Variants in PIEZO2 observed in about 807,000 individuals in gnomAD.
PIEZO2 encodes piezo-type mechanosensitive ion channel component 2.
PIEZO2 carries 172 observed loss-of-function variants against 337.3 expected under a neutral mutation model. That is an observed-to-expected ratio of 0.51 (90% CI 0.45 to 0.58). PIEZO2 has a LOEUF of 0.58. Ranked by LOEUF, PIEZO2 falls within the 20% of genes least tolerant of loss-of-function variation. The pLI, the probability that PIEZO2 is intolerant of heterozygous loss-of-function variation, is 0.00. For missense variants in PIEZO2, 3,028 were observed against 3,391.3 expected, an observed-to-expected ratio of 0.89 and a Z score of 2.66; for synonymous variants, 1,251 against 1,228.5, an observed-to-expected ratio of 1.02 and a Z score of -0.38.
intron 4 of PIEZO2, among the ~76,000 whole-genome samples, chr18:10,886,487 C>CATATATAT: frequency 2.0e-4 from 9 of 45,882 alleles, no homozygotes; most frequent in African/African-American, 4.3e-4. Context: ...ATATCCAAAC[C>CATATATAT]ATATATATAT....
chr18:10,955,527 A>G (rs1476158356), intron 3 of PIEZO2, among the ~76,000 whole-genome samples: 1 of 152,204 alleles, frequency 6.6e-6, no homozygotes, highest in Non-Finnish European at 1.5e-5. Context: ...AAACAACTTT[A>G]GAGAGTGCAC....
Position 10,727,630 on chromosome 18 carries a change from G to GCACACA in PIEZO2, c.5029+3771_5029+3776dup, listed in dbSNP as rs139881213. On this transcript the variant is annotated intron_variant, in intron 36 of 55. Transcript: ENST00000674853. The surrounding 1 kb of genome is among the most constrained non-coding windows in gnomAD (Gnocchi z 6.3). ...TTTCCTAGCCCCACTCCCATTACAC[G>GCACACA]CACACACACACACACACATACAGAG... The GCACACA allele has an allele frequency of 1.3e-5, 2 of 150,580 alleles. No homozygotes were observed. Among genetic ancestry groups the GCACACA allele is most frequent in the African/African-American group, 4.9e-5 (2 of 40,948 alleles). 9.3% of individuals were successfully genotyped at this position (150,580 alleles called of 1,614,324 possible).
At chr18:10,957,524 G>A (rs771544773) in intron 3 of PIEZO2, among the ~76,000 whole-genome samples, 5 of 151,922 alleles carry the variant, frequency 3.3e-5, no homozygotes, top group Admixed American at 2.6e-4. Flanking sequence ...TCGCTGAAAT[G>A]AGCACAAGAC....
intron 2 of PIEZO2, among the ~76,000 whole-genome samples, chr18:11,044,504 A>T (rs2037233669): frequency 6.6e-6 from 1 of 152,188 alleles, no homozygotes; most frequent in African/African-American, 2.4e-5. Flanking sequence ...TTCACTAAAG[A>T]GGAAGCTGTA....
At position 10,846,585 on chromosome 18, in the gene PIEZO2, C is replaced by A. The variant is rs150301824; in HGVS notation, c.917+8768G>T. Among the ~76,000 whole-genome samples, 1,159 of 152,264 alleles carry A rather than the reference C, an allele frequency of 7.6e-3. 12 individuals carry two copies. Among genetic ancestry groups the A allele is most frequent in the African/African-American group, 0.027 (1,107 of 41,538 alleles). ...TGAGAGTACCAAAGCCAAAAAAGCC[C>A]ATCATGGCTCTGAAGAACTGGGTCC... On this transcript the variant is annotated intron_variant, in intron 7 of 55. Transcript: ENST00000674853. This position sits in a 1 kb window ranked among gnomAD's most constrained non-coding sequence, Gnocchi z 4.1.
chr18:10,780,656 T>A (rs963111247), intron 17 of PIEZO2, among the ~76,000 whole-genome samples: 5 of 144,332 alleles, frequency 3.5e-5, no homozygotes, highest in African/African-American at 1.3e-4. Context: ...AATGTTTAAA[T>A]TTTTTAAGGT....
In PIEZO2 at chr18:11,078,473, C is replaced by T. The variant is rs1221573748; in HGVS notation, c.65-12251G>A. Among the ~76,000 whole-genome samples the T allele has an allele frequency of 1.3e-5, 2 of 152,140 alleles. No homozygotes were observed. Among genetic ancestry groups the T allele is most frequent in the African/African-American group, 2.4e-5 (1 of 41,440 alleles). On this transcript the variant is annotated intron_variant, in intron 1 of 55. Transcript: ENST00000674853. This position sits in a 1 kb window ranked among gnomAD's most constrained non-coding sequence, Gnocchi z 5.3. ...ATTACATCTTAACAACTAATACAGC[C>T]GTAAATTGATTAAAATTACTGTTTT...
At chr18:10,696,640 C>T (rs1428525886) in intron 45 of PIEZO2, 101 bp from the exon 46 acceptor site, 1 of 1,371,896 alleles carries the variant, frequency 7.3e-7, no homozygotes, top group Non-Finnish European at 1.0e-6. Flanking sequence ...CTGCATTCCT[C>T]TTTCCAGTCA....
chr18:10,934,635 ACG>A (rs1491246841), intron 3 of PIEZO2, among the ~76,000 whole-genome samples: 5 of 64,528 alleles, frequency 7.7e-5, no homozygotes, highest in African/African-American at 2.8e-4. Context: ...TATTGTGTGT[ACG>A]TGTGTGTGTG....
At chr18:10,740,252 A>C (rs143473280) in intron 33 of PIEZO2, 2 of 152,522 alleles carry the variant, frequency 1.3e-5, no homozygotes, top group Non-Finnish European at 1.5e-5. Flanking sequence ...ACTGAGTTCC[A>C]GAATTCCTCA....
Position 10,872,991 on chromosome 18 carries a change from A to G in PIEZO2, c.330-1576T>C, listed in dbSNP as rs1354571508. ...CTTTGAAAAAATGTTTATCAGAGAT[A>G]CAACTTACTTAGGGAAAGGAAGCAA... is the stretch of plus-strand genomic sequence containing the variant. On this transcript the variant is annotated intron_variant, in intron 4 of 55. Transcript: ENST00000674853. This position sits in a 1 kb window ranked among gnomAD's most constrained non-coding sequence, Gnocchi z 4.3. Among the ~76,000 whole-genome samples the G allele has an allele frequency of 6.6e-6, 1 of 152,196 alleles. No homozygotes were observed. Among genetic ancestry groups the G allele is most frequent in the Non-Finnish European group, 1.5e-5 (1 of 68,030 alleles).
In PIEZO2 at chr18:10,794,649, G is replaced by C. The variant is rs1271734865; in HGVS notation, c.1758+123C>G. ...AACTGTTTCTTACAGTCTCATGTTTGTTCATTTTTACAAAGCAGTGAATAT... is the reference window on the plus strand; with the variant it reads ...AACTGTTTCTTACAGTCTCATGTTTCTTCATTTTTACAAAGCAGTGAATAT... On this transcript the variant is annotated intron_variant, in intron 13 of 55. Transcript: ENST00000674853. This position sits in a 1 kb window ranked among gnomAD's most constrained non-coding sequence, Gnocchi z 6.6. The C allele has an allele frequency of 1.3e-6, 1 of 793,462 alleles. No individual in the cohort carries two copies. Among genetic ancestry groups the C allele is most frequent in the African/African-American group, 1.7e-5 (1 of 57,200 alleles). 49.2% of individuals were successfully genotyped at this position (793,462 alleles called of 1,614,324 possible).
chr18:10,723,075 C>G (rs1402951194), intron 36 of PIEZO2, among the ~76,000 whole-genome samples: 1 of 145,820 alleles, frequency 6.9e-6, no homozygotes, highest in Non-Finnish European at 1.5e-5. Context: ...TCAAGCGATT[C>G]TCCTACCTCA....
At position 10,727,045 on chromosome 18, in the gene PIEZO2, G is replaced by C. The variant is rs2036572994; in HGVS notation, c.5029+4362C>G. On this transcript the variant is annotated intron_variant, in intron 36 of 55. Coordinates refer to ENST00000674853, the MANE Select transcript of PIEZO2 (RefSeq NM_001378183.1). This position sits in a 1 kb window ranked among gnomAD's most constrained non-coding sequence, Gnocchi z 6.3. ...CTTCCACGGTCTGGGTGTTTCTTGGGGGGTGTTGGGAGGGCAGGAGCATTC... is the reference window on the plus strand; with the variant it reads ...CTTCCACGGTCTGGGTGTTTCTTGGCGGGTGTTGGGAGGGCAGGAGCATTC... 4.7e-6 allele frequency: 3 copies of C among 635,552 alleles called. No homozygotes were observed. Among genetic ancestry groups the C allele is most frequent in the South Asian group, 5.1e-5 (2 of 39,328 alleles). The allele number at this position is 635,552 out of a possible 1,614,324, so 39.4% of individuals were successfully genotyped here. A position where few individuals can be genotyped will look rare whatever the true frequency, so the allele number is the denominator to read the frequency against.
Position 11,149,293 on chromosome 18 carries a change from G to C in PIEZO2, c.-705C>G, listed in dbSNP as rs1292548199. 6.6e-6 allele frequency among the ~76,000 whole-genome samples: 1 copy of C among 151,990 alleles called. No homozygotes were observed. Among genetic ancestry groups the C allele is most frequent in the East Asian group, 2.0e-4 (1 of 5,120 alleles). ...CTGCCAGGCGCGCAGAACCATCCCC[G>C]CCACCACGGGGCTCGCCTTGTGGGT... On this transcript the variant is annotated 5_prime_UTR_variant, in exon 1 of 56. Transcript: ENST00000674853. This position sits in a 1 kb window ranked among gnomAD's most constrained non-coding sequence, Gnocchi z 8.7.
intron 49 of PIEZO2, among the ~76,000 whole-genome samples, chr18:10,683,743 C>T (rs1184732591): frequency 1.3e-5 from 2 of 152,192 alleles, no homozygotes; most frequent in Non-Finnish European, 2.9e-5. Flanking sequence ...ATAGGCCACT[C>T]CTGTCACTCC....
chr18:10,939,726 A>G (rs1355828672), intron 3 of PIEZO2, among the ~76,000 whole-genome samples: 3 of 152,162 alleles, frequency 2.0e-5, no homozygotes, highest in East Asian at 1.9e-4. Context: ...ACGAGAACAC[A>G]TGGACACAGG....
intron 7 of PIEZO2, among the ~76,000 whole-genome samples, chr18:10,823,241 A>C (rs1329401663): frequency 6.6e-6 from 1 of 152,200 alleles, no homozygotes; most frequent in East Asian, 1.9e-4. Context: ...TTTATTAAGA[A>C]TAATTAATTT....
chr18:10,858,872 A>G (rs2041799295), intron 5 of PIEZO2, among the ~76,000 whole-genome samples: 2 of 152,136 alleles, frequency 1.3e-5, no homozygotes, highest in African/African-American at 4.8e-5. Flanking sequence ...CTTCTACTGT[A>G]TTTCATCATG....
Sources: gnomAD v4.1 joint callset for allele counts (sites outside exome capture counted in the v4.1 genomes callset) on GRCh38, gnomAD v4.1.1 for gene constraint, Gnocchi (gnomAD v3.1) non-coding constraint, MANE v1.5 for transcripts, NCBI Gene and HGNC (gene_info 2026-07-23, HGNC 2026-07-21) for gene names.